KCNQ1: variants seen among roughly 807,000 people sequenced by gnomAD.
KCNQ1 encodes potassium voltage-gated channel subfamily KQT member 1.
A neutral mutation model predicts 72.4 loss-of-function variants in KCNQ1; 49 were observed. The observed-to-expected ratio is 0.68, with a 90% CI of 0.54 to 0.86. The LOEUF (loss-of-function observed/expected upper bound fraction) is 0.86, where lower values mean the gene tolerates loss of function less well. Ranked by LOEUF, KCNQ1 falls within the 40% of genes least tolerant of loss-of-function variation. The probability of loss-of-function intolerance (pLI) is 0.00; values close to 1 mark genes in which losing one functional copy is unlikely to be tolerated. For missense variants in KCNQ1, 790 were observed against 945.1 expected, an observed-to-expected ratio of 0.84 and a Z score of 2.15; for synonymous variants, 450 against 412.6, an observed-to-expected ratio of 1.09 and a Z score of -1.10.
chr11:2,606,553 G>C (rs1327777905), intron 10 of KCNQ1, among the ~76,000 whole-genome samples: 1 of 152,168 alleles, frequency 6.6e-6, no homozygotes, highest in Non-Finnish European at 1.5e-5. Flanking sequence ...CTTTCGCCAT[G>C]ATTGTAAGCT....
At chr11:2,650,282 G>A in intron 10 of KCNQ1, 1 of 398,488 alleles carries the variant, frequency 2.5e-6, no homozygotes, top group Non-Finnish European at 4.4e-6. Flanking sequence ...TATTATTGGA[G>A]AATTATTGTG....
At position 2,653,957 on chromosome 11, in the gene KCNQ1, G is replaced by A. The variant is rs1197148247; in HGVS notation, c.1394-8004G>A. ...CTGCTGGCAGGCAAAAACAACAGGT[G>A]TCCACTCAAGCAAGGTATTTTCCTA... On this transcript the variant is annotated intron_variant, in intron 10 of 15. Transcript: ENST00000155840. The surrounding 1 kb of genome is among the most constrained non-coding windows in gnomAD (Gnocchi z 5.3). 1 of 398,676 alleles carries A rather than the reference G, an allele frequency of 2.5e-6. No individual in the cohort carries two copies. The highest frequency in any genetic ancestry group is 4.4e-6 in the Non-Finnish European group (1 of 226,096). 24.7% of individuals were successfully genotyped at this position (398,676 alleles called of 1,614,324 possible).
Position 2,561,680 on chromosome 11 carries a change from G to A in KCNQ1, c.478-8948G>A, listed in dbSNP as rs569345874. On this transcript the variant is annotated intron_variant, in intron 2 of 15. Transcript: ENST00000155840. ...TGTGCCCATCCTCCTCCTGCTTAGCGATCCTTTCTCTTGCTAATGTGTGGG... is the reference window on the plus strand; with the variant it reads ...TGTGCCCATCCTCCTCCTGCTTAGCAATCCTTTCTCTTGCTAATGTGTGGG... Among the ~76,000 whole-genome samples the A allele has an allele frequency of 1.7e-3, 258 of 152,350 alleles. 1 individual carries two copies. Among genetic ancestry groups the A allele is most frequent in the African/African-American group, 6.2e-3 (258 of 41,580 alleles).
intron 10 of KCNQ1, chr11:2,633,790 TC>T (rs1849403710): frequency 5.0e-6 from 2 of 398,480 alleles, no homozygotes; most frequent in African/African-American, 4.1e-5. Context: ...GGGGATTGCT[TC>T]CGAGACCCCC....
intron 10 of KCNQ1, chr11:2,639,773 C>G (rs922051635): frequency 6.6e-6 from 1 of 152,422 alleles, no homozygotes; most frequent in Non-Finnish European, 1.5e-5. Context: ...GCAGAGGTTT[C>G]TGCTGCCTTT....
chr11:2,644,261 T>G, intron 10 of KCNQ1: 4 of 398,510 alleles, frequency 1.0e-5, no homozygotes, highest in Non-Finnish European at 1.8e-5. Flanking sequence ...CACATAGCCT[T>G]TGTTCATTCT....
intron 10 of KCNQ1, chr11:2,610,620 C>G: frequency 2.5e-6 from 1 of 395,856 alleles, no homozygotes; most frequent in Non-Finnish European, 4.4e-6. Flanking sequence ...CAAAACTGGT[C>G]TGCTAACAAG....
chr11:2,706,976 A>G (rs1850922080), intron 11 of KCNQ1, among the ~76,000 whole-genome samples: 1 of 152,132 alleles, frequency 6.6e-6, no homozygotes, highest in Non-Finnish European at 1.5e-5. Context: ...GATTTAGGAA[A>G]TGTAACGGGT....
intron 10 of KCNQ1, chr11:2,630,272 G>A (rs1849331683): frequency 2.5e-6 from 1 of 397,986 alleles, no homozygotes; most frequent in Non-Finnish European, 4.4e-6. Context: ...CCATGTTTGT[G>A]ATATATGATT....
rs1849868116 is a variant in KCNQ1, at chr11:2,657,354, T to G, written c.1394-4607T>G. The G allele has an allele frequency of 2.0e-5, 8 of 398,514 alleles. No homozygotes were observed. Among genetic ancestry groups the G allele is most frequent in the Non-Finnish European group, 3.1e-5 (7 of 226,074 alleles). 24.7% of individuals were successfully genotyped at this position (398,514 alleles called of 1,614,324 possible). On this transcript the variant is annotated intron_variant, in intron 10 of 15. Transcript: ENST00000155840. The surrounding 1 kb of genome is among the most constrained non-coding windows in gnomAD (Gnocchi z 4.8). ...TCTAGTCATTGGAATGAAGGCATAT[T>G]TCTCCATTTATATCTTCTTCATTGT... is the stretch of plus-strand genomic sequence containing the variant.
At chr11:2,778,059 C>CG in intron 15 of KCNQ1, 22 bp downstream of exon 15, 1 of 1,612,146 alleles carries the variant, frequency 6.2e-7, no homozygotes, top group Non-Finnish European at 8.5e-7. Context: ...CGCCGGCCTG[C>CG]GGTGGTTCTG....
At position 2,764,036 on chromosome 11, in the gene KCNQ1, T is replaced by C. The variant is rs1249622183; in HGVS notation, c.1515-4808T>C. Among the ~76,000 whole-genome samples, 1 of 152,188 alleles carries C rather than the reference T, an allele frequency of 6.6e-6. No individual in the cohort carries two copies. Among genetic ancestry groups the C allele is most frequent in the East Asian group, 1.9e-4 (1 of 5,198 alleles). ...CAATCCTTGTACCTTTTATCTCCCT[T>C]TTCCTACCTTTTTAACATACCAGCT... On this transcript the variant is annotated intron_variant, in intron 11 of 15. Transcript: ENST00000155840. The surrounding 1 kb of genome is among the most constrained non-coding windows in gnomAD (Gnocchi z 4.8).
intron 11 of KCNQ1, chr11:2,662,904 G>A: frequency 2.5e-6 from 1 of 398,696 alleles, no homozygotes; most frequent in East Asian, 3.6e-5. Context: ...ACTCTCTGGG[G>A]GTCAGGAGGT....
intron 15 of KCNQ1, among the ~76,000 whole-genome samples, chr11:2,806,401 T>C (rs1287747653): frequency 6.6e-6 from 1 of 152,192 alleles, no homozygotes; most frequent in East Asian, 1.9e-4. Flanking sequence ...CTTCCCAGCC[T>C]GCCTGGGGCC....
chr11:2,469,672 A>G (rs1213486105), intron 1 of KCNQ1, among the ~76,000 whole-genome samples: 1 of 137,494 alleles, frequency 7.3e-6, no homozygotes, highest in Admixed American at 7.5e-5. Context: ...TCTTTTAAAC[A>G]ATTTTTTTTT....
At chr11:2,502,898 C>T (rs1269751025) in intron 1 of KCNQ1, among the ~76,000 whole-genome samples, 1 of 152,146 alleles carries the variant, frequency 6.6e-6, no homozygotes, top group Non-Finnish European at 1.5e-5. Flanking sequence ...ACGACAAACT[C>T]ATTTTTGACA....
At position 2,668,096 on chromosome 11, in the gene KCNQ1, A is replaced by G. The variant is rs1850116256; in HGVS notation, c.1514+6015A>G. On this transcript the variant is annotated intron_variant, in intron 11 of 15. Transcript: ENST00000155840. This position sits in a 1 kb window ranked among gnomAD's most constrained non-coding sequence, Gnocchi z 4.3. Reference sequence around the variant, plus strand: ...TGCAACTCATACACCTTTGTGTCCAATGTCCCTCACTCAATTTGATGTCTG... The same window carrying G: ...TGCAACTCATACACCTTTGTGTCCAGTGTCCCTCACTCAATTTGATGTCTG... 4 of 398,534 alleles carry G rather than the reference A, an allele frequency of 1.0e-5. No homozygotes were observed. Among genetic ancestry groups the G allele is most frequent in the South Asian group, 2.6e-4 (2 of 7,838 alleles). The allele number at this position is 398,534 out of a possible 1,614,324, so 24.7% of individuals were successfully genotyped here. A position where few individuals can be genotyped will look rare whatever the true frequency, so the allele number is the denominator to read the frequency against.
chr11:2,597,536 C>T (rs1389878770), intron 10 of KCNQ1, among the ~76,000 whole-genome samples: 1 of 152,156 alleles, frequency 6.6e-6, no homozygotes, highest in Non-Finnish European at 1.5e-5. Context: ...ATATCTGATC[C>T]TAGAAATAAC....
intron 11 of KCNQ1, chr11:2,681,607 C>T (rs1410636091): frequency 5.0e-6 from 2 of 398,172 alleles, no homozygotes; most frequent in Non-Finnish European, 8.8e-6. Context: ...CTCACTCGCT[C>T]TCCCCACCCC....
Sources: gnomAD v4.1 joint callset for allele counts (sites outside exome capture counted in the v4.1 genomes callset) on GRCh38, gnomAD v4.1.1 for gene constraint, Gnocchi (gnomAD v3.1) non-coding constraint, MANE v1.5 for transcripts, NCBI Gene and HGNC (gene_info 2026-07-23, HGNC 2026-07-21) for gene names.